The following RNF130 variants were observed in gnomAD, a reference collection of about 807,000 sequenced individuals.
The protein encoded by RNF130 is E3 ubiquitin-protein ligase RNF130.
A neutral mutation model predicts 44.6 loss-of-function variants in RNF130; 21 were observed. That is an observed-to-expected ratio of 0.47 (90% confidence interval 0.33 to 0.68). The LOEUF (loss-of-function observed/expected upper bound fraction) is 0.68. Ranked by LOEUF, RNF130 falls within the 30% of genes least tolerant of loss-of-function variation. The pLI, the probability that RNF130 is intolerant of heterozygous loss-of-function variation, is 0.02. For synonymous variants in RNF130, 214 were observed against 210.4 expected (o/e 1.02, Z -0.15); for missense variants, 479 against 560.6 (o/e 0.85, Z 1.47).
At chr5:179,922,688 A>G (rs1161820620) in intron 7 of RNF130, among the ~76,000 whole-genome samples, 1 of 151,698 alleles carries the variant, frequency 6.6e-6, no homozygotes, top group African/African-American at 2.4e-5. Context: ...CTGTAATCCC[A>G]GCACTTTGGG....
intron 1 of RNF130, among the ~76,000 whole-genome samples, chr5:180,060,457 A>C (rs1270185943): frequency 6.6e-6 from 1 of 152,246 alleles, no homozygotes; most frequent in Non-Finnish European, 1.5e-5. Flanking sequence ...AACACATGCT[A>C]AATGCAAAGT....
chr5:179,978,543 T>C (rs191450264), intron 4 of RNF130, among the ~76,000 whole-genome samples: 6 of 152,346 alleles, frequency 3.9e-5, no homozygotes, highest in Non-Finnish European at 7.3e-5. Flanking sequence ...TAAGTCGGAA[T>C]TCTAATTTTT....
intron 1 of RNF130, among the ~76,000 whole-genome samples, chr5:180,057,461 T>C (rs550290641): frequency 6.6e-5 from 10 of 152,076 alleles, no homozygotes; most frequent in South Asian, 2.1e-4. Context: ...AGGCAGGAAA[T>C]TGCCGGAACC....
At chr5:179,946,592 C>T (rs1364914149) in intron 7 of RNF130, among the ~76,000 whole-genome samples, 4 of 148,804 alleles carry the variant, frequency 2.7e-5, no homozygotes, top group Non-Finnish European at 5.9e-5. Context: ...CTCGCTCTGT[C>T]GCCCAGGCTG....
intron 1 of RNF130, among the ~76,000 whole-genome samples, chr5:180,067,818 C>T (rs1179904522): frequency 6.6e-6 from 1 of 152,152 alleles, no homozygotes; most frequent in Non-Finnish European, 1.5e-5. Flanking sequence ...TGAATTCAAA[C>T]ATTACATGAC....
intron 2 of RNF130, among the ~76,000 whole-genome samples, chr5:180,030,388 A>C (rs1043908953): frequency 2.0e-5 from 3 of 152,226 alleles, no homozygotes; most frequent in Non-Finnish European, 4.4e-5. Flanking sequence ...GGTATAATTT[A>C]CATCCTACAA....
At chr5:180,015,035 C>T (rs1763685608) in intron 2 of RNF130, among the ~76,000 whole-genome samples, 1 of 152,092 alleles carries the variant, frequency 6.6e-6, no homozygotes, top group Non-Finnish European at 1.5e-5. Flanking sequence ...AAATGTAACC[C>T]AATGGAACAT....
intron 1 of RNF130, among the ~76,000 whole-genome samples, chr5:180,068,072 T>G (rs1381019698): frequency 6.6e-6 from 1 of 152,204 alleles, no homozygotes; most frequent in African/African-American, 2.4e-5. Context: ...TCCTGAAAAT[T>G]TCTATGCAAA....
intron 2 of RNF130, among the ~76,000 whole-genome samples, chr5:180,028,996 C>T (rs1225429235): frequency 1.3e-5 from 2 of 152,136 alleles, no homozygotes; most frequent in Non-Finnish European, 2.9e-5. Context: ...ATAAATTTTG[C>T]AATCACCCTC....
intron 7 of RNF130, among the ~76,000 whole-genome samples, chr5:179,938,531 G>A (rs1357248723): frequency 1.3e-5 from 2 of 151,938 alleles, no homozygotes; most frequent in African/African-American, 4.8e-5. Flanking sequence ...TCACTAAATT[G>A]TTCACTTACT....
intron 7 of RNF130, among the ~76,000 whole-genome samples, chr5:179,921,635 T>G (rs1314947847): frequency 6.6e-6 from 1 of 152,160 alleles, no homozygotes; most frequent in Non-Finnish European, 1.5e-5. Flanking sequence ...TTGTCTCTAC[T>G]AAGATACAAA....
intron 1 of RNF130, among the ~76,000 whole-genome samples, chr5:180,048,840 T>C (rs1408521422): frequency 1.3e-5 from 2 of 152,172 alleles, no homozygotes; most frequent in African/African-American, 4.8e-5. Flanking sequence ...AGCTCCCTGT[T>C]CATATTCAGT....
intron 7 of RNF130, among the ~76,000 whole-genome samples, chr5:179,926,985 T>C (rs1388533199): frequency 6.6e-6 from 1 of 152,228 alleles, no homozygotes; most frequent in Non-Finnish European, 1.5e-5. Context: ...CACCACTGAC[T>C]GTTGGTCACG....
At chr5:180,069,205 A>G (rs1420072115) in intron 1 of RNF130, among the ~76,000 whole-genome samples, 1 of 152,240 alleles carries the variant, frequency 6.6e-6, no homozygotes, top group Non-Finnish European at 1.5e-5. Context: ...GCTAACTTAC[A>G]AAGATCCCAG....
intron 3 of RNF130, among the ~76,000 whole-genome samples, chr5:179,997,592 T>C (rs1311784556): frequency 1.3e-5 from 2 of 151,978 alleles, no homozygotes; most frequent in African/African-American, 4.8e-5. Context: ...TCTCCCAAAG[T>C]GCTGGGATTA....
intron 1 of RNF130, among the ~76,000 whole-genome samples, chr5:180,067,137 A>G (rs1765127211): frequency 6.6e-6 from 1 of 152,224 alleles, no homozygotes; most frequent in Non-Finnish European, 1.5e-5. Context: ...GCGCAAGATT[A>G]GACAGGGCAA....
At chr5:179,923,061 A>G (rs152237) in intron 7 of RNF130, among the ~76,000 whole-genome samples, 64,974 of 152,024 alleles carry the variant, frequency 0.43, 14,709 homozygotes, top group East Asian at 0.75. Context: ...TGGTAAGATC[A>G]AATTTATTGA....
chr5:180,002,922 GTTA>G (rs1248458464), intron 3 of RNF130, among the ~76,000 whole-genome samples: 1 of 151,822 alleles, frequency 6.6e-6, no homozygotes, highest in African/African-American at 2.4e-5. Context: ...GATCTGGGTT[GTTA>G]TTATTATTAT....
At chr5:180,040,303 G>T in intron 2 of RNF130, 150 bp downstream of exon 2, 1 of 685,304 alleles carries the variant, frequency 1.5e-6, no homozygotes, top group Non-Finnish European at 2.4e-6. Flanking sequence ...ATTCAACTAT[G>T]GGGAAAAAAC....
Sources: gnomAD v4.1 joint callset for allele counts (sites outside exome capture counted in the v4.1 genomes callset) on GRCh38, gnomAD v4.1.1 for gene constraint, MANE v1.5 for transcripts, NCBI Gene and HGNC (gene_info 2026-07-23, HGNC 2026-07-21) for gene names.